The following MYOM3 variants were observed in gnomAD, a reference collection of about 807,000 sequenced individuals.
The protein encoded by MYOM3 is myomesin 3.
MYOM3 carries 155 observed loss-of-function variants against 191.7 expected under a neutral mutation model. The ratio of observed to expected loss-of-function variants is 0.81; its 90% CI spans 0.71 to 0.92. MYOM3 has a LOEUF of 0.92. Among genes scored for constraint, MYOM3 ranks in the 40% least tolerant of loss-of-function variants. The pLI, the probability that MYOM3 is intolerant of heterozygous loss-of-function variation, is 0.00. For missense variants in MYOM3, 1,889 were observed against 1,890.6 expected (o/e 1.00, Z 0.02); for synonymous variants, 757 against 762.9 (o/e 0.99, Z 0.13).
chr1:24,111,999 C>T lies in MYOM3; in HGVS notation c.-19+32G>A, dbSNP rs1013067500. The T allele has an allele frequency of 6.6e-6, 1 of 152,430 alleles. No homozygotes were observed. Among genetic ancestry groups the T allele is most frequent in the South Asian group, 2.1e-4 (1 of 4,826 alleles). 9.4% of individuals were successfully genotyped at this position (152,430 alleles called of 1,614,324 possible). ...AGTGGCTGACTCTTAGGAGGCATCC[C>T]TCCCCCACCCTGATTTCTGGGGGTG... On this transcript the variant is annotated intron_variant, in intron 1 of 36. Coordinates refer to ENST00000374434, the MANE Select transcript of MYOM3 (RefSeq NM_152372.4). This position sits in a 1 kb window ranked among gnomAD's most constrained non-coding sequence, Gnocchi z 4.7.
chr1:24,098,719 C>A (rs980892348), intron 6 of MYOM3, among the ~76,000 whole-genome samples: 1 of 152,212 alleles, frequency 6.6e-6, no homozygotes, highest in Non-Finnish European at 1.5e-5. Flanking sequence ...GGCCTGCGCA[C>A]CTTCCTTGAC....
intron 23 of MYOM3, among the ~76,000 whole-genome samples, chr1:24,073,861 T>TA (rs55682709): frequency 0.14 from 11,487 of 81,162 alleles, 837 homozygotes; most frequent in Middle Eastern, 0.19. Flanking sequence ...AGACTCCGTC[T>TA]AAAAAAAAAA....
At chr1:24,079,931 G>T in intron 20 of MYOM3, 85 bp downstream of exon 20, 1 of 1,208,828 alleles carries the variant, frequency 8.3e-7, no homozygotes, top group Non-Finnish European at 1.2e-6. Flanking sequence ...TGAGAGCAGT[G>T]ATGTCTGGAG....
intron 4 of MYOM3, among the ~76,000 whole-genome samples, 157 bp from the exon 5 acceptor site, chr1:24,106,234 G>A (rs1304886898): frequency 6.6e-6 from 1 of 152,246 alleles, no homozygotes; most frequent in Non-Finnish European, 1.5e-5. Context: ...GGCACTGTGG[G>A]CAGAGCATGG....
chr1:24,074,363 G>A (rs549491933), intron 22 of MYOM3, 94 bp from the exon 23 acceptor site: 48 of 890,766 alleles, frequency 5.4e-5, no homozygotes, highest in Non-Finnish European at 7.2e-5. Context: ...TGCTTCTGGT[G>A]AGCCTGTACC....
chr1:24,072,399 A>G (rs1399081656), intron 23 of MYOM3, among the ~76,000 whole-genome samples: 5 of 152,158 alleles, frequency 3.3e-5, no homozygotes, highest in Non-Finnish European at 7.4e-5. Flanking sequence ...CACTGGTGCC[A>G]GGGCCTTATT....
chr1:24,059,942 G>A (rs920350500), intron 35 of MYOM3, among the ~76,000 whole-genome samples: 1 of 152,192 alleles, frequency 6.6e-6, no homozygotes, highest in East Asian at 1.9e-4. Flanking sequence ...ACCCCAGATG[G>A]GGAGGGGAAG....
Position 24,063,494 on chromosome 1 carries a change from C to T in MYOM3, c.3659G>A (p.Gly1220Asp), listed in dbSNP as rs762760183. The T allele has an allele frequency of 3.7e-6, 6 of 1,614,026 alleles. No homozygotes were observed. In the African/African-American group the frequency reaches 6.7e-5, roughly 18 times the overall value. Residue 1220 changes from glycine to aspartate, a missense_variant and splice_region_variant, in exon 31 of 37, where the codon GGT (glycine) becomes GAT (aspartate). Gly to Asp is a moderately conservative substitution (Grantham distance 94). Transcript: ENST00000374434. This position sits in a 1 kb window ranked among gnomAD's most constrained non-coding sequence, Gnocchi z 4.5. ...GGGCAAAGAGGCAGGCTGCTTACCA[C>T]CAATCCTGCCCAACTCGGTGAAGAT... Reference protein sequence around the residue: ...DAIFTELGRIGALSATPLKIQ... With the variant: ...DAIFTELGRIDALSATPLKIQ...
rs1409324711 is a variant in MYOM3, at chr1:24,061,957, A to T, written c.3923T>A (p.Leu1308His). The change falls in exon 33 of 37, where the codon CTC (leucine) becomes CAC (histidine). Residue 1308 changes from leucine to histidine, a missense_variant. By Grantham distance (99) the Leu-to-His change is moderately conservative (BLOSUM62 -3). Transcript: ENST00000374434. ...GGTGGATGGCTCACCTTGCCCTGAGAGATCTGTTGAGAGCTGCCGGACTTC... is the reference window on the plus strand; with the variant it reads ...GGTGGATGGCTCACCTTGCCCTGAGTGATCTGTTGAGAGCTGCCGGACTTC... ...GKEVRQLSTDLSGQAFEDAMA... is the reference protein window; with the variant it reads ...GKEVRQLSTDHSGQAFEDAMA... 3 of 1,614,150 alleles carry T rather than the reference A, an allele frequency of 1.9e-6. No individual in the cohort carries two copies. In the Admixed American group the frequency reaches 5.0e-5, roughly 27 times the overall value.
intron 22 of MYOM3, 31 bp from the exon 23 acceptor site, chr1:24,074,300 G>A (rs1041776136): frequency 6.4e-7 from 1 of 1,558,080 alleles, no homozygotes; most frequent in Admixed American, 1.7e-5. Context: ...GAGGCTCTGG[G>A]AGGAGCTCCT....
intron 20 of MYOM3, among the ~76,000 whole-genome samples, chr1:24,078,367 T>G (rs1472632677): frequency 6.6e-6 from 1 of 152,166 alleles, no homozygotes; most frequent in Non-Finnish European, 1.5e-5. Flanking sequence ...TCCGCCTGCC[T>G]CGGCCTCCTA....
At chr1:24,092,142 TA>T in intron 11 of MYOM3, 31 bp downstream of exon 11, 1 of 1,428,678 alleles carries the variant, frequency 7.0e-7, no homozygotes, top group Non-Finnish European at 9.2e-7. Flanking sequence ...ATTCTACCCC[TA>T]GGGCCTCTGC....
Position 24,080,024 on chromosome 1 carries a change from G to A in MYOM3, c.2578C>T (p.His860Tyr), listed in dbSNP as rs2148550260. ...AAGGCATAAGAACTTACCCTCAGGT[G>A]GGTGCCAGAGATGGGGCCTGGGGTG... ...PVTPGPISGT[H>Y]LRVSDLQPGK... is the part of the protein sequence containing the mutation. Residue 860 changes from histidine to tyrosine, a missense_variant, in exon 20 of 37, where the codon CAC becomes TAC. By Grantham distance (83) the His-to-Tyr change is moderately conservative. Transcript: ENST00000374434. 6.2e-7 allele frequency: 1 copy of A among 1,610,366 alleles called. No homozygotes were observed.
rs375656594 is a variant in MYOM3 at position 24,076,750 on chromosome 1, G to A, written c.2587-477C>T. 1.9e-3 allele frequency among the ~76,000 whole-genome samples: 145 copies of A among 74,468 alleles called. 20 individuals are homozygous for A. Among genetic ancestry groups the A allele is most frequent in the African/African-American group, 5.9e-3 (137 of 23,068 alleles). The allele number at this position is 74,468 out of a possible 152,430, so 48.9% of individuals were successfully genotyped here. A position where few individuals can be genotyped will look rare whatever the true frequency, so the allele number is the denominator to read the frequency against. ...GGGATGGTCTCGATCTCCTGACCTC[G>A]TGATCCGCCCGCCTCGGCCTCCCAA... On this transcript the variant is annotated intron_variant, in intron 20 of 36. Coordinates refer to ENST00000374434, the MANE Select transcript of MYOM3 (RefSeq NM_152372.4).
At chr1:24,077,674 A>G (rs1643618411) in intron 20 of MYOM3, among the ~76,000 whole-genome samples, 3 of 152,178 alleles carry the variant, frequency 2.0e-5, no homozygotes, top group Admixed American at 6.5e-5. Flanking sequence ...AACAACTGTG[A>G]CTTATTTAGC....
At chr1:24,071,026 G>C in intron 25 of MYOM3, 91 bp downstream of exon 25, 1 of 1,467,104 alleles carries the variant, frequency 6.8e-7, no homozygotes, top group East Asian at 2.3e-5. Flanking sequence ...GGCCACTAGG[G>C]GGAAGTACCA....
chr1:24,084,405 C>T (rs1643710968), intron 16 of MYOM3, 63 bp downstream of exon 16: 4 of 1,557,014 alleles, frequency 2.6e-6, no homozygotes, highest in African/African-American at 1.4e-5. Flanking sequence ...AAAGAAATTA[C>T]CCAGTCTCAG....
In MYOM3 at chr1:24,109,984, G is replaced by T. The variant is rs182611039; in HGVS notation, c.-18-1330C>A. On this transcript the variant is annotated intron_variant, in intron 1 of 36. Transcript: ENST00000374434. ...TGGGGCCGGATCAGATTGACCCAGGGGAGGCTCAGGAAGCGGATCCATGGA... is the reference window on the plus strand; with the variant it reads ...TGGGGCCGGATCAGATTGACCCAGGTGAGGCTCAGGAAGCGGATCCATGGA... Among the ~76,000 whole-genome samples, 180 of 152,370 alleles carry T rather than the reference G, an allele frequency of 1.2e-3. 1 individual carries two copies. The highest frequency in any genetic ancestry group is 4.2e-3 in the African/African-American group (174 of 41,590).
At chr1:24,061,020 A>G (rs372179129) in intron 35 of MYOM3, 40 bp downstream of exon 35, 7 of 1,613,504 alleles carry the variant, frequency 4.3e-6, no homozygotes, top group Non-Finnish European at 5.9e-6. Flanking sequence ...GTTTGCCCCA[A>G]ATTCAGAAAC....
Sources: gnomAD v4.1 joint callset for allele counts (sites outside exome capture counted in the v4.1 genomes callset) on GRCh38, gnomAD v4.1.1 for gene constraint, Gnocchi (gnomAD v3.1) non-coding constraint, MANE v1.5 for transcripts, NCBI Gene and HGNC (gene_info 2026-07-23, HGNC 2026-07-21) for gene names.